Variants in TNIK observed in about 807,000 individuals in gnomAD.
TNIK encodes the protein TRAF2 and NCK-interacting protein kinase.
Under a neutral mutation model 191.3 loss-of-function variants are expected in TNIK, and 49 were observed. The observed-to-expected ratio is 0.26, with a 90% confidence interval of 0.20 to 0.32. The LOEUF is 0.32. Among genes scored for constraint, TNIK ranks in the 10% least tolerant of loss-of-function variants. The probability of loss-of-function intolerance (pLI) is 1.00; values close to 1 mark genes in which losing one functional copy is unlikely to be tolerated. For missense variants in TNIK, 1,155 were observed against 1,702.3 expected (o/e 0.68, Z 5.66); for synonymous variants, 594 against 600.9 (o/e 0.99, Z 0.17).
chr3:171,290,887 G>T (rs1577369461), intron 2 of TNIK, among the ~76,000 whole-genome samples: 2 of 152,214 alleles, frequency 1.3e-5, no homozygotes, highest in East Asian at 3.9e-4. Flanking sequence ...AATCAGATAT[G>T]ATGAATTCCA....
At chr3:171,403,332 T>C (rs1721192740) in intron 1 of TNIK, among the ~76,000 whole-genome samples, 1 of 152,062 alleles carries the variant, frequency 6.6e-6, no homozygotes, top group African/African-American at 2.4e-5. Context: ...AGGGGGTGAA[T>C]GGCCGGGCAC....
At chr3:171,172,926 T>C (rs1283387526) in intron 9 of TNIK, among the ~76,000 whole-genome samples, 4 of 152,190 alleles carry the variant, frequency 2.6e-5, no homozygotes, top group Non-Finnish European at 5.9e-5. Flanking sequence ...TCAGACTGCA[T>C]TGTCCTAAAA....
At chr3:171,347,334 G>T in intron 2 of TNIK, 1 of 1,110,092 alleles carries the variant, frequency 9.0e-7, no homozygotes, top group Non-Finnish European at 1.3e-6. Context: ...GCATCTAGAT[G>T]CCTGGTATAC....
intron 2 of TNIK, among the ~76,000 whole-genome samples, chr3:171,285,670 T>C (rs1047918390): frequency 2.0e-5 from 3 of 152,224 alleles, no homozygotes; most frequent in Admixed American, 6.5e-5. Context: ...TTATTAGATG[T>C]TAATAAAATT....
At position 171,128,852 on chromosome 3, in the gene TNIK, C is replaced by G; in HGVS notation, c.1635G>C (p.Arg545=). ...TGTGAGGCATGGCAGGGGAACTTTG[C>G]CGGTTGAGCCTTGACCGTTCTTCTA... is the stretch of plus-strand genomic sequence containing the variant. ...KEVEERSRLN[R]QSSPAMPHKV... The change falls in exon 16 of 33, where the codon CGG becomes CGC. Residue 545 remains arginine, a synonymous_variant. Coordinates refer to ENST00000436636, the MANE Select transcript of TNIK (RefSeq NM_015028.4). 6.4e-7 allele frequency: 1 copy of G among 1,551,556 alleles called. No homozygotes were observed. Among genetic ancestry groups the G allele is most frequent in the Non-Finnish European group, 8.7e-7 (1 of 1,150,288 alleles).
chr3:171,273,503 A>G (rs1749375132), intron 2 of TNIK, among the ~76,000 whole-genome samples: 1 of 152,106 alleles, frequency 6.6e-6, no homozygotes, highest in African/African-American at 2.4e-5. Context: ...ATCTTTTCAT[A>G]TTATGCTACA....
chr3:171,369,061 A>T (rs964284730), intron 2 of TNIK, among the ~76,000 whole-genome samples: 1 of 152,162 alleles, frequency 6.6e-6, no homozygotes, highest in Non-Finnish European at 1.5e-5. Context: ...TGTAAGCAGA[A>T]ATTAGTACAC....
At position 171,353,624 on chromosome 3, in the gene TNIK, C is replaced by T. The variant is rs114908314; in HGVS notation, c.123+15996G>A. ...ACTAAATCTATGAAACACCTGACTA[C>T]AAGAGATGACTCAGGATTAAAAAAA... On this transcript the variant is annotated intron_variant, in intron 2 of 32. Coordinates refer to ENST00000436636, the MANE Select transcript of TNIK (RefSeq NM_015028.4). 4.7e-3 allele frequency among the ~76,000 whole-genome samples: 718 copies of T among 152,238 alleles called. 1 individual carries two copies. Among genetic ancestry groups the T allele is most frequent in the Middle Eastern group, 0.02 (6 of 294 alleles).
chr3:171,312,668 T>C (rs925483194), intron 2 of TNIK, among the ~76,000 whole-genome samples: 1 of 152,162 alleles, frequency 6.6e-6, no homozygotes, highest in Admixed American at 6.5e-5. Flanking sequence ...CTAAAATACA[T>C]CCAGTAAATT....
At chr3:171,263,562 A>G (rs1453347441) in intron 2 of TNIK, among the ~76,000 whole-genome samples, 3 of 152,170 alleles carry the variant, frequency 2.0e-5, no homozygotes, top group Non-Finnish European at 4.4e-5. Flanking sequence ...TGGAACACCT[A>G]CAATTTGGTA....
chr3:171,459,450 G>T (rs1205379388), intron 1 of TNIK, among the ~76,000 whole-genome samples: 1 of 152,206 alleles, frequency 6.6e-6, no homozygotes, highest in East Asian at 1.9e-4. Flanking sequence ...GCGGGAGGTA[G>T]AAAAGGGGGA....
chr3:171,246,433 C>G (rs1745600922), intron 2 of TNIK, among the ~76,000 whole-genome samples: 2 of 152,132 alleles, frequency 1.3e-5, no homozygotes, highest in South Asian at 2.1e-4. Context: ...CTAATATCTA[C>G]TATGTCAGGT....
At chr3:171,202,854 A>G (rs980617905) in intron 4 of TNIK, among the ~76,000 whole-genome samples, 6 of 152,190 alleles carry the variant, frequency 3.9e-5, no homozygotes, top group Admixed American at 2.0e-4. Context: ...AGGCATATCT[A>G]TATTTGCCAA....
At chr3:171,146,772 C>T (rs919962859) in intron 12 of TNIK, among the ~76,000 whole-genome samples, 1 of 151,962 alleles carries the variant, frequency 6.6e-6, no homozygotes, top group Admixed American at 6.6e-5. Context: ...TGCCTCTAAT[C>T]CCAGCTACTC....
chr3:171,358,971 G>A (rs559759821), intron 2 of TNIK, among the ~76,000 whole-genome samples: 2 of 152,230 alleles, frequency 1.3e-5, no homozygotes, highest in South Asian at 2.1e-4. Flanking sequence ...GTAGGGTATG[G>A]GGAGTTAATA....
At position 171,059,987 on chromosome 3, in the gene TNIK, G is replaced by A. The variant is rs547709970; in HGVS notation, c.*3894C>T. Among the ~76,000 whole-genome samples the A allele has an allele frequency of 6.6e-6, 1 of 152,266 alleles. No individual in the cohort carries two copies. The highest frequency in any genetic ancestry group is 1.9e-4 in the East Asian group (1 of 5,188). On this transcript the variant is annotated 3_prime_UTR_variant, in exon 33 of 33. Coordinates refer to ENST00000436636, the MANE Select transcript of TNIK (RefSeq NM_015028.4). ...GTGGATTTTCTCATGTTTTCCTGCA[G>A]TAGGTTAAAATTAAAAGTTTTATCA...
intron 2 of TNIK, among the ~76,000 whole-genome samples, chr3:171,333,597 A>C (rs942750492): frequency 6.6e-6 from 1 of 151,742 alleles, no homozygotes; most frequent in South Asian, 2.1e-4. Context: ...AAAAAAAAAA[A>C]AAAAAAACCT....
intron 2 of TNIK, among the ~76,000 whole-genome samples, chr3:171,238,669 T>C (rs931266074): frequency 7.2e-5 from 11 of 152,162 alleles, no homozygotes; most frequent in African/African-American, 2.7e-4. Context: ...TGAGAAACCA[T>C]GTTTTAAAAG....
At chr3:171,148,623 T>TA (rs1229682603) in intron 12 of TNIK, among the ~76,000 whole-genome samples, 1 of 152,158 alleles carries the variant, frequency 6.6e-6, no homozygotes, top group Non-Finnish European at 1.5e-5. Flanking sequence ...AATACAGTAT[T>TA]TACAGAGAGG....
Sources: gnomAD v4.1 joint callset for allele counts (sites outside exome capture counted in the v4.1 genomes callset) on GRCh38, gnomAD v4.1.1 for gene constraint, MANE v1.5 for transcripts, NCBI Gene and HGNC (gene_info 2026-07-23, HGNC 2026-07-21) for gene names.